The following ALDH1A2 variants were observed in gnomAD, a reference collection of about 807,000 sequenced individuals.
ALDH1A2 encodes aldehyde dehydrogenase 1 family member A2.
ALDH1A2 carries 27 observed loss-of-function variants against 60.3 expected under a neutral mutation model. The ratio of observed to expected loss-of-function variants is 0.45; its 90% CI spans 0.33 to 0.62. The LOEUF is 0.62. ALDH1A2 is among the 20% of genes least tolerant of loss of function. The pLI is 0.02. For synonymous variants in ALDH1A2, 289 were observed against 232.4 expected (o/e 1.24, Z -2.21); for missense variants, 581 against 643.8 (o/e 0.90, Z 1.06).
At chr15:57,957,814 T>C (rs1320291408) in intron 12 of ALDH1A2, among the ~76,000 whole-genome samples, 10 of 152,204 alleles carry the variant, frequency 6.6e-5, no homozygotes, top group Non-Finnish European at 4.4e-5. Flanking sequence ...GGGTATATAT[T>C]TTCCTGCTCT....
At chr15:57,957,907 G>A (rs1334026188) in intron 12 of ALDH1A2, among the ~76,000 whole-genome samples, 1 of 149,494 alleles carries the variant, frequency 6.7e-6, no homozygotes, top group Non-Finnish European at 1.5e-5. Flanking sequence ...AGGTGGTCAG[G>A]ACTGAGAGGG....
chr15:58,059,133 A>G (rs1896962934), intron 1 of ALDH1A2, among the ~76,000 whole-genome samples: 1 of 152,248 alleles, frequency 6.6e-6, no homozygotes, highest in African/African-American at 2.4e-5. Context: ...ACCAGTGATA[A>G]GTAATTCCCA....
chr15:57,955,536 A>AAT (rs1441222780), intron 12 of ALDH1A2, among the ~76,000 whole-genome samples: 2 of 152,226 alleles, frequency 1.3e-5, no homozygotes, highest in African/African-American at 4.8e-5. Context: ...TTGTTTTCAC[A>AAT]ATACTGCACA....
intron 1 of ALDH1A2, among the ~76,000 whole-genome samples, chr15:58,048,435 G>C (rs962124086): frequency 2.0e-5 from 3 of 152,092 alleles, no homozygotes; most frequent in Admixed American, 6.6e-5. Context: ...AAAGGACACA[G>C]ATGAGACTAC....
chr15:58,034,804 T>C (rs1896334033), intron 1 of ALDH1A2, among the ~76,000 whole-genome samples: 1 of 151,692 alleles, frequency 6.6e-6, no homozygotes, highest in African/African-American at 2.4e-5. Flanking sequence ...ATCAGCCTTG[T>C]ATGCCTGAAA....
intron 3 of ALDH1A2, among the ~76,000 whole-genome samples, chr15:58,011,384 C>T (rs1249183827): frequency 1.3e-5 from 2 of 152,038 alleles, no homozygotes; most frequent in African/African-American, 4.8e-5. Flanking sequence ...AATATCTGCT[C>T]CATTTAATAA....
At chr15:58,023,745 G>A (rs1435465926) in intron 1 of ALDH1A2, among the ~76,000 whole-genome samples, 1 of 151,454 alleles carries the variant, frequency 6.6e-6, no homozygotes, top group East Asian at 1.9e-4. Context: ...CTGATTCCCA[G>A]ATAAGCAAAG....
intron 1 of ALDH1A2, among the ~76,000 whole-genome samples, chr15:58,060,461 AT>A (rs1896997973): frequency 8.9e-6 from 1 of 111,796 alleles, no homozygotes; most frequent in African/African-American, 3.3e-5. Flanking sequence ...TGCCACACAT[AT>A]CTTTTTTTTT....
intron 4 of ALDH1A2, among the ~76,000 whole-genome samples, chr15:58,001,181 T>C (rs1895255744): frequency 6.6e-6 from 1 of 151,162 alleles, no homozygotes; most frequent in African/African-American, 2.4e-5. Flanking sequence ...ACAGAGAAAA[T>C]ATGGCACAGA....
chr15:58,000,055 G>C (rs1331441886), intron 4 of ALDH1A2, among the ~76,000 whole-genome samples: 1 of 151,852 alleles, frequency 6.6e-6, no homozygotes, highest in Non-Finnish European at 1.5e-5. Context: ...CACCTTTCTG[G>C]GGAGGGGTGG....
chr15:58,048,820 A>G (rs1896700591), intron 1 of ALDH1A2, among the ~76,000 whole-genome samples: 1 of 151,974 alleles, frequency 6.6e-6, no homozygotes, highest in Non-Finnish European at 1.5e-5. Flanking sequence ...AAATGTTTAA[A>G]ATCTTAATAC....
chr15:57,999,981 A>G (rs914943622), intron 4 of ALDH1A2, among the ~76,000 whole-genome samples: 7 of 151,962 alleles, frequency 4.6e-5, no homozygotes, highest in Non-Finnish European at 8.8e-5. Flanking sequence ...CGAACATCAC[A>G]TATTTTCATG....
chr15:57,967,037 CG>C (rs1162465332), intron 7 of ALDH1A2, among the ~76,000 whole-genome samples: 3 of 152,108 alleles, frequency 2.0e-5, no homozygotes, highest in African/African-American at 7.2e-5. Context: ...ATTTTAAAAG[CG>C]GGGGAAGAGA....
At chr15:58,014,400 T>C (rs1436422576) in intron 1 of ALDH1A2, 119 bp from the exon 2 acceptor site, 2 of 858,084 alleles carry the variant, frequency 2.3e-6, no homozygotes, top group Non-Finnish European at 3.9e-6. Flanking sequence ...AGTATACAAT[T>C]TGAAGTGTTT....
rs1158804047 is a variant in ALDH1A2 at position 58,032,249 on chromosome 15, G to C, written c.118-17968C>G. Among the ~76,000 whole-genome samples the C allele has an allele frequency of 6.6e-5, 10 of 152,050 alleles. No homozygotes were observed. In the East Asian group the frequency reaches 1.6e-3, roughly 24 times the overall value. ...AAACCATCATTCTCAGCAAACTATT[G>C]CAAGGACGAAAAACCAAACACCACA... On this transcript the variant is annotated intron_variant, in intron 1 of 12. Transcript: ENST00000249750.
chr15:58,053,438 C>G (rs1273386764), intron 1 of ALDH1A2, among the ~76,000 whole-genome samples: 2 of 152,158 alleles, frequency 1.3e-5, no homozygotes, highest in African/African-American at 4.8e-5. Context: ...CTCACAATTA[C>G]AGACACTCAC....
chr15:58,014,510 C>A (rs915608960), intron 1 of ALDH1A2: 8 of 579,510 alleles, frequency 1.4e-5, no homozygotes, highest in Non-Finnish European at 2.6e-5. Context: ...CTTTCATGAA[C>A]CTGTCAACTA....
intron 7 of ALDH1A2, among the ~76,000 whole-genome samples, chr15:57,975,750 T>C (rs1894229776): frequency 6.6e-6 from 1 of 151,868 alleles, no homozygotes; most frequent in East Asian, 1.9e-4. Flanking sequence ...TACTATATGT[T>C]GCCATTTATA....
intron 1 of ALDH1A2, among the ~76,000 whole-genome samples, chr15:58,064,975 T>C (rs1368398603): frequency 1.3e-5 from 2 of 152,216 alleles, no homozygotes; most frequent in African/African-American, 4.8e-5. Flanking sequence ...AACGCTGACG[T>C]TGGAGTTACT....
Sources: gnomAD v4.1 joint callset for allele counts (sites outside exome capture counted in the v4.1 genomes callset) on GRCh38, gnomAD v4.1.1 for gene constraint, MANE v1.5 for transcripts, NCBI Gene and HGNC (gene_info 2026-07-23, HGNC 2026-07-21) for gene names.